CSRNP2: variants seen among roughly 807,000 people sequenced by gnomAD.
CSRNP2 encodes the protein cysteine/serine-rich nuclear protein 2.
Under a neutral mutation model 36.6 loss-of-function variants are expected in CSRNP2, and 11 were observed. The observed-to-expected ratio is 0.30, with a 90% CI of 0.19 to 0.50. The LOEUF (loss-of-function observed/expected upper bound fraction) is 0.50. CSRNP2 is among the 20% of genes least tolerant of loss of function. CSRNP2 has a pLI of 0.98. For missense variants in CSRNP2, 483 were observed against 691.4 expected (o/e 0.70, Z 3.38); for synonymous variants, 248 against 275.3 (o/e 0.90, Z 0.98).
intron 3 of CSRNP2, 83 bp downstream of exon 3, chr12:51,073,740 A>G: frequency 7.2e-7 from 1 of 1,392,214 alleles, no homozygotes; most frequent in Non-Finnish European, 9.7e-7. Context: ...AAAAAAAAAA[A>G]AAAAAAATCA....
intron 4 of CSRNP2, among the ~76,000 whole-genome samples, chr12:51,065,702 C>T (rs1938132125): frequency 6.6e-6 from 1 of 152,142 alleles, no homozygotes; most frequent in African/African-American, 2.4e-5. Flanking sequence ...TCAAGCAGTC[C>T]TTCCACCCCA....
At chr12:51,072,934 C>T (rs1277614639) in intron 3 of CSRNP2, among the ~76,000 whole-genome samples, 4 of 151,644 alleles carry the variant, frequency 2.6e-5, no homozygotes, top group South Asian at 4.2e-4. Flanking sequence ...AAATTGGGGG[C>T]GGGGGTGTTG....
At position 51,076,263 on chromosome 12, in the gene CSRNP2, G is replaced by A. The variant is rs978304701; in HGVS notation, c.151+148C>T. ...TAGAATAAATCAGACTTTAGTCTAC[G>A]GTATGAGAGAAATGAGGTCCTCCAA... is the stretch of plus-strand genomic sequence containing the variant. On this transcript the variant is annotated intron_variant, in intron 2 of 4. Coordinates refer to ENST00000228515, the MANE Select transcript of CSRNP2 (RefSeq NM_030809.3). 2.4e-5 allele frequency: 19 copies of A among 801,142 alleles called. No homozygotes were observed. In the Admixed American group the frequency reaches 2.8e-4, roughly 12 times the overall value. 49.6% of individuals were successfully genotyped at this position (801,142 alleles called of 1,614,324 possible).
Position 51,076,489 on chromosome 12 carries a change from A to T in CSRNP2, c.73T>A (p.Ser25Thr), listed in dbSNP as rs1181992850. 6.2e-7 allele frequency: 1 copy of T among 1,613,942 alleles called. No homozygotes were observed. The highest frequency in any genetic ancestry group is 1.1e-5 in the South Asian group (1 of 91,072). ...TCACTGCTGGAGATCTCATCATCTG[A>T]GTTGGAAACTGATGAGCCCACATCC... ...DVDVGSSVSN[S>T]DDEISSSDSA... Residue 25 changes from serine to threonine, a missense_variant, in exon 2 of 5, where the codon TCA (serine) becomes ACA (threonine). Ser to Thr is a moderately conservative substitution (Grantham distance 58). This residue lies in a region of CSRNP2 where 206 missense variants were observed against 367.8 expected (regional missense o/e 0.56). Transcript: ENST00000228515.
chr12:51,077,044 C>CA lies in CSRNP2; in HGVS notation c.-86-398dup, dbSNP rs34490094. On this transcript the variant is annotated intron_variant, in intron 1 of 4. Coordinates refer to ENST00000228515, the MANE Select transcript of CSRNP2 (RefSeq NM_030809.3). ...TTATCACTGCTGCTTGTTTGGTTGG[C>CA]AAAAAAAAAAAAAAAAGGAAAAAAA... Among the ~76,000 whole-genome samples the CA allele has an allele frequency of 7.7e-3, 979 of 126,672 alleles. 22 individuals are homozygous for CA. The highest frequency in any genetic ancestry group is 0.019 in the African/African-American group (627 of 33,408). The allele number at this position is 126,672 out of a possible 152,430, so 83.1% of individuals were successfully genotyped here.
intron 3 of CSRNP2, 80 bp from the exon 4 acceptor site, chr12:51,068,049 T>TC (rs1938574572): frequency 7.4e-7 from 1 of 1,343,412 alleles, no homozygotes; most frequent in Non-Finnish European, 1.0e-6. Context: ...AGCAGCACTG[T>TC]CCCTTGAACC....
intron 1 of CSRNP2, among the ~76,000 whole-genome samples, chr12:51,079,960 C>T (rs1939561619): frequency 6.7e-6 from 1 of 149,234 alleles, no homozygotes; most frequent in Admixed American, 6.8e-5. Context: ...GTAATCTCAG[C>T]TACTCAGGAG....
At chr12:51,073,757 C>T in intron 3 of CSRNP2, 66 bp downstream of exon 3, 1 of 1,481,680 alleles carries the variant, frequency 6.7e-7, no homozygotes. Flanking sequence ...ATCAATCAAC[C>T]AACCAACCAA....
chr12:51,072,688 T>C (rs2136906562), intron 3 of CSRNP2, among the ~76,000 whole-genome samples: 1 of 151,108 alleles, frequency 6.6e-6, no homozygotes, highest in Non-Finnish European at 1.5e-5. Context: ...CACAGTATTA[T>C]ACAAATCTAA....
At chr12:51,073,767 A>G in intron 3 of CSRNP2, 56 bp downstream of exon 3, 5 of 1,526,322 alleles carry the variant, frequency 3.3e-6, no homozygotes, top group Admixed American at 2.1e-5. Flanking sequence ...CAACCAACCA[A>G]TGAACCTAAA....
At chr12:51,080,768 C>T (rs926959306) in intron 1 of CSRNP2, among the ~76,000 whole-genome samples, 1 of 152,110 alleles carries the variant, frequency 6.6e-6, no homozygotes, top group Non-Finnish European at 1.5e-5. Flanking sequence ...GATTATGTCC[C>T]AACAACAATG....
At chr12:51,080,235 C>T (rs1423418457) in intron 1 of CSRNP2, among the ~76,000 whole-genome samples, 1 of 152,082 alleles carries the variant, frequency 6.6e-6, no homozygotes, top group Non-Finnish European at 1.5e-5. Context: ...TAACTGTCCA[C>T]TCCTGTTCTT....
rs1937664969 is a variant in CSRNP2 at position 51,062,381 on chromosome 12, C to CA, written c.*1364dup. On this transcript the variant is annotated 3_prime_UTR_variant, in exon 5 of 5. Coordinates refer to ENST00000228515, the MANE Select transcript of CSRNP2 (RefSeq NM_030809.3). The stretch of plus-strand genomic sequence containing the variant: ...GCTCCCTACTGCCTCCATTTTAGAA[C>CA]AGAGACAAAGATCACTTTGCTAATG... 1 of 152,190 alleles carries CA rather than the reference C, an allele frequency of 6.6e-6. No individual in the cohort carries two copies. Among genetic ancestry groups the CA allele is most frequent in the Admixed American group, 6.5e-5 (1 of 15,290 alleles). The allele number at this position is 152,190 out of a possible 1,614,324, so 9.4% of individuals were successfully genotyped here. A position where few individuals can be genotyped will look rare whatever the true frequency, so the allele number is the denominator to read the frequency against.
At chr12:51,079,600 A>G (rs1444632684) in intron 1 of CSRNP2, among the ~76,000 whole-genome samples, 1 of 69,228 alleles carries the variant, frequency 1.4e-5, no homozygotes, top group Non-Finnish European at 4.0e-5. Flanking sequence ...CATCTCCACT[A>G]AAAATCCAAA....
At chr12:51,078,876 A>G (rs1261463222) in intron 1 of CSRNP2, among the ~76,000 whole-genome samples, 1 of 152,248 alleles carries the variant, frequency 6.6e-6, no homozygotes, top group Non-Finnish European at 1.5e-5. Context: ...TACTGGGTAT[A>G]TACCCAAAGG....
At position 51,076,553 on chromosome 12, in the gene CSRNP2, T is replaced by C. The variant is rs977319229; in HGVS notation, c.9A>G (p.Ala3=). ...TCCTCTTGAGACCCGAGCCCGTGAA[T>C]GCATCCATTGGTTTCAAAGGGGTTT... The part of the protein sequence containing the change: MD[A]FTGSGLKRKF... Residue 3 remains alanine (A), a synonymous_variant, in exon 2 of 5, where the codon GCA becomes GCG. Coordinates refer to ENST00000228515, the MANE Select transcript of CSRNP2 (RefSeq NM_030809.3). 2 of 1,613,966 alleles carry C rather than the reference T, an allele frequency of 1.2e-6. No homozygotes were observed. The highest frequency in any genetic ancestry group is 1.3e-5 in the African/African-American group (1 of 74,906).
rs763150966 is a variant in CSRNP2, at chr12:51,064,308, C to T, written c.1070G>A (p.Gly357Asp). The change falls in exon 5 of 5, where the codon GGT (glycine) becomes GAT (aspartate). Residue 357 changes from glycine (G) to aspartate (D), a missense_variant. Transcript: ENST00000228515. ...CAGAGGCTCCTCTAGGATGCACACA[C>T]CCAGGCTCTCGATGCTCGAGTCCAG... is the stretch of plus-strand genomic sequence containing the variant. ...ASLDSSIESL[G>D]VCILEEPLAV... 5 of 1,613,868 alleles carry T rather than the reference C, an allele frequency of 3.1e-6. No homozygotes were observed. Among genetic ancestry groups the T allele is most frequent in the African/African-American group, 2.7e-5 (2 of 74,942 alleles).
intron 1 of CSRNP2, among the ~76,000 whole-genome samples, chr12:51,078,523 G>T (rs572721221): frequency 5.9e-5 from 9 of 152,280 alleles, no homozygotes; most frequent in Admixed American, 1.3e-4. Context: ...GGTAAGAAAG[G>T]AGCGAGCCAA....
chr12:51,076,067 T>C (rs895103847), intron 2 of CSRNP2, among the ~76,000 whole-genome samples: 1 of 151,950 alleles, frequency 6.6e-6, no homozygotes, highest in Non-Finnish European at 1.5e-5. Context: ...AATTAAGAAA[T>C]CTGGATTTGC....
Sources: gnomAD v4.1 joint callset for allele counts (sites outside exome capture counted in the v4.1 genomes callset) on GRCh38, gnomAD v4.1.1 for gene constraint, gnomAD v4.1.1 regional missense constraint, MANE v1.5 for transcripts, NCBI Gene and HGNC (gene_info 2026-07-23, HGNC 2026-07-21) for gene names.